PLCL1: variants seen among roughly 807,000 people sequenced by gnomAD.
PLCL1 encodes the protein inactive phospholipase C-like protein 1.
PLCL1 carries 41 observed loss-of-function variants against 84.4 expected under a neutral mutation model. The ratio of observed to expected loss-of-function variants is 0.49; its 90% confidence interval spans 0.38 to 0.63. The LOEUF is 0.63. Among genes scored for constraint, PLCL1 ranks in the 30% least tolerant of loss-of-function variants. The probability of loss-of-function intolerance (pLI) is 0.00; values close to 1 mark genes in which losing one functional copy is unlikely to be tolerated. For missense variants in PLCL1, 1,206 were observed against 1,367.8 expected, an observed-to-expected ratio of 0.88 and a Z score of 1.87; for synonymous variants, 490 against 488.3, an observed-to-expected ratio of 1.00 and a Z score of -0.05.
intron 3 of PLCL1, among the ~76,000 whole-genome samples, chr2:198,099,720 GA>G (rs1272124198): frequency 6.6e-6 from 1 of 152,102 alleles, no homozygotes; most frequent in Non-Finnish European, 1.5e-5. Context: ...TAGACAATGG[GA>G]AAAACAGAAA....
intron 1 of PLCL1, among the ~76,000 whole-genome samples, chr2:197,982,824 C>T (rs1160777225): frequency 6.6e-6 from 1 of 152,200 alleles, no homozygotes; most frequent in Non-Finnish European, 1.5e-5. Flanking sequence ...TCTTTAGCTA[C>T]AAGTCAACTG....
intron 3 of PLCL1, among the ~76,000 whole-genome samples, chr2:198,099,704 G>A (rs937182134): frequency 1.3e-4 from 20 of 152,062 alleles, no homozygotes; most frequent in East Asian, 3.9e-4. Context: ...TCTTTATGAC[G>A]TTTATTAGAC....
chr2:198,020,762 C>T (rs1691114656), intron 1 of PLCL1, among the ~76,000 whole-genome samples: 3 of 152,106 alleles, frequency 2.0e-5, no homozygotes, highest in East Asian at 3.8e-4. Flanking sequence ...TTCTTAGAGG[C>T]CTACAAAGAG....
intron 1 of PLCL1, among the ~76,000 whole-genome samples, chr2:197,918,368 G>A (rs768464372): frequency 1.3e-5 from 2 of 152,184 alleles, no homozygotes; most frequent in Admixed American, 6.5e-5. Flanking sequence ...TCCTGGATGA[G>A]AGCCTGGAAC....
At chr2:197,844,720 A>G (rs1028319431) in intron 1 of PLCL1, among the ~76,000 whole-genome samples, 1 of 152,130 alleles carries the variant, frequency 6.6e-6, no homozygotes, top group Non-Finnish European at 1.5e-5. Flanking sequence ...TCAATATTGT[A>G]GGCCTTTGGA....
intron 5 of PLCL1, among the ~76,000 whole-genome samples, 155 bp from the exon 6 acceptor site, chr2:198,146,625 A>G (rs1694522387): frequency 6.6e-6 from 1 of 152,160 alleles, no homozygotes; most frequent in Non-Finnish European, 1.5e-5. Context: ...ATAATGTTAG[A>G]AAAGAACCTT....
chr2:197,891,394 C>T (rs967406591), intron 1 of PLCL1, among the ~76,000 whole-genome samples: 2 of 152,114 alleles, frequency 1.3e-5, no homozygotes, highest in African/African-American at 2.4e-5. Flanking sequence ...AGTTCTGTCT[C>T]CCAGAGAGCA....
At chr2:198,050,385 T>A (rs1251361675) in intron 1 of PLCL1, among the ~76,000 whole-genome samples, 1 of 151,992 alleles carries the variant, frequency 6.6e-6, no homozygotes, top group East Asian at 1.9e-4. Context: ...TTATCCCTCT[T>A]ATGTCTCAGG....
intron 5 of PLCL1, among the ~76,000 whole-genome samples, chr2:198,125,916 A>C (rs568709196): frequency 7.1e-4 from 108 of 152,320 alleles, no homozygotes; most frequent in African/African-American, 2.5e-3. Flanking sequence ...GTTTGTTCTG[A>C]ACAGACGTGT....
chr2:198,069,641 A>G (rs974485007), intron 1 of PLCL1, among the ~76,000 whole-genome samples: 1 of 152,218 alleles, frequency 6.6e-6, no homozygotes, highest in Non-Finnish European at 1.5e-5. Flanking sequence ...GGAGGCAATA[A>G]GCCTGGTGGT....
At chr2:198,017,859 T>C (rs780089298) in intron 1 of PLCL1, among the ~76,000 whole-genome samples, 1 of 152,242 alleles carries the variant, frequency 6.6e-6, no homozygotes, top group Non-Finnish European at 1.5e-5. Flanking sequence ...TATTATATAC[T>C]GTTCTTGATT....
intron 3 of PLCL1, among the ~76,000 whole-genome samples, chr2:198,098,524 T>G (rs1277150948): frequency 1.3e-5 from 2 of 152,210 alleles, no homozygotes; most frequent in African/African-American, 4.8e-5. Flanking sequence ...ATTGTTTCAC[T>G]AGCTAGTTGT....
chr2:198,088,080 A>G (rs926743997), intron 2 of PLCL1, among the ~76,000 whole-genome samples: 1 of 152,186 alleles, frequency 6.6e-6, no homozygotes, highest in Non-Finnish European at 1.5e-5. Flanking sequence ...TATAGATTAG[A>G]CTTTACATAT....
At chr2:197,923,536 T>G (rs1282290301) in intron 1 of PLCL1, among the ~76,000 whole-genome samples, 119 of 96,956 alleles carry the variant, frequency 1.2e-3, no homozygotes, top group African/African-American at 3.2e-3. Context: ...CGGGGCAGAG[T>G]CGCTCCCCAC....
At position 197,916,973 on chromosome 2, in the gene PLCL1, T is replaced by A. The variant is rs193284142; in HGVS notation, c.240+111634T>A. Among the ~76,000 whole-genome samples, 119 of 152,264 alleles carry A rather than the reference T, an allele frequency of 7.8e-4. 1 individual carries two copies. The highest frequency in any genetic ancestry group is 2.7e-3 in the African/African-American group (114 of 41,542). On this transcript the variant is annotated intron_variant, in intron 1 of 5. Coordinates refer to ENST00000428675, the MANE Select transcript of PLCL1 (RefSeq NM_006226.4). ...CAATAAGAAACCACTGTACACCTAT[T>A]AGAATGGCAAAAATCCAAAAAAACT...
chr2:197,906,847 T>C (rs938345286), intron 1 of PLCL1, among the ~76,000 whole-genome samples: 2 of 152,232 alleles, frequency 1.3e-5, no homozygotes, highest in Non-Finnish European at 2.9e-5. Context: ...AGTTCACTCA[T>C]GATTTGGCTC....
At chr2:197,960,699 A>G (rs1189472540) in intron 1 of PLCL1, among the ~76,000 whole-genome samples, 2 of 152,146 alleles carry the variant, frequency 1.3e-5, no homozygotes, top group Non-Finnish European at 2.9e-5. Context: ...TGACTGGCAC[A>G]GCCACATCTT....
At chr2:197,990,797 T>G (rs949287225) in intron 1 of PLCL1, among the ~76,000 whole-genome samples, 11 of 152,126 alleles carry the variant, frequency 7.2e-5, no homozygotes, top group Non-Finnish European at 1.5e-5. Context: ...GATGCAAAGG[T>G]GTACTTTTTG....
intron 1 of PLCL1, among the ~76,000 whole-genome samples, chr2:197,862,073 C>G (rs1019968063): frequency 2.0e-5 from 3 of 152,064 alleles, no homozygotes; most frequent in Non-Finnish European, 4.4e-5. Context: ...TTAATTGTCT[C>G]CTTATTGAGT....
Sources: allele counts gnomAD v4.1 joint callset (sites outside exome capture counted in the v4.1 genomes callset), GRCh38; gene constraint gnomAD v4.1.1; transcripts MANE v1.5; gene names NCBI Gene and HGNC (gene_info 2026-07-23, HGNC 2026-07-21).